Variants in RHOJ observed in about 807,000 individuals in gnomAD.
RHOJ encodes the protein rho-related GTP-binding protein RhoJ.
RHOJ carries 11 observed loss-of-function variants against 23.4 expected under a neutral mutation model. The ratio of observed to expected loss-of-function variants is 0.47; its 90% CI spans 0.30 to 0.78. RHOJ has a LOEUF of 0.78. Among genes scored for constraint, RHOJ ranks in the 30% least tolerant of loss-of-function variants. RHOJ has a pLI of 0.08. For missense variants in RHOJ, 254 were observed against 273.4 expected, an observed-to-expected ratio of 0.93 and a Z score of 0.50; for synonymous variants, 102 against 102.7, an observed-to-expected ratio of 0.99 and a Z score of 0.04.
intron 1 of RHOJ, among the ~76,000 whole-genome samples, chr14:63,251,157 G>C (rs1453209575): frequency 1.3e-5 from 2 of 152,162 alleles, no homozygotes; most frequent in Admixed American, 1.3e-4. Context: ...TATTTGTACA[G>C]TATCTGGCTC....
chr14:63,277,959 C>A (rs575066905), intron 2 of RHOJ, among the ~76,000 whole-genome samples: 3 of 113,388 alleles, frequency 2.6e-5, no homozygotes, highest in Admixed American at 1.6e-4. Context: ...GCCTCACCAG[C>A]TACACAAACA....
chr14:63,287,941 G>T (rs1005139476), intron 4 of RHOJ, among the ~76,000 whole-genome samples: 2 of 152,098 alleles, frequency 1.3e-5, no homozygotes, highest in African/African-American at 2.4e-5. Flanking sequence ...TCACATCTTT[G>T]AGGACACAGA....
rs111782073 is a variant in RHOJ at position 63,286,462 on chromosome 14, T to C, written c.498+3246T>C. Among the ~76,000 whole-genome samples the C allele has an allele frequency of 4.0e-3, 605 of 152,214 alleles. 6 individuals carry two copies. Among genetic ancestry groups the C allele is most frequent in the African/African-American group, 0.014 (579 of 41,518 alleles). ...TGGGCAAAGGGGTCTGGGGAGGGCA[T>C]AAAATTCTAGACAGGGAGACCAGGA... is the stretch of plus-strand genomic sequence containing the variant. On this transcript the variant is annotated intron_variant, in intron 4 of 4. Transcript: ENST00000316754.
intron 1 of RHOJ, among the ~76,000 whole-genome samples, chr14:63,255,506 C>T (rs1380598144): frequency 6.6e-6 from 1 of 152,168 alleles, no homozygotes; most frequent in Non-Finnish European, 1.5e-5. Context: ...TCAGGACCCA[C>T]CAGACCATCT....
intron 4 of RHOJ, chr14:63,284,305 C>G (rs1882008965): frequency 3.0e-6 from 3 of 984,988 alleles, no homozygotes; most frequent in Admixed American, 6.2e-5. Flanking sequence ...AACACCTGAT[C>G]GAGATACTGA....
chr14:63,227,992 T>C (rs1282377185), intron 1 of RHOJ, among the ~76,000 whole-genome samples: 1 of 152,172 alleles, frequency 6.6e-6, no homozygotes, highest in East Asian at 1.9e-4. Context: ...CGTTAAGTTA[T>C]TGGTAGCCTT....
intron 1 of RHOJ, among the ~76,000 whole-genome samples, chr14:63,250,307 C>T (rs550874772): frequency 3.4e-4 from 52 of 152,184 alleles, no homozygotes; most frequent in African/African-American, 1.2e-3. Context: ...TACAGTGGCC[C>T]GAACATGGCT....
At chr14:63,244,825 A>T (rs1183878654) in intron 1 of RHOJ, among the ~76,000 whole-genome samples, 1 of 152,250 alleles carries the variant, frequency 6.6e-6, no homozygotes, top group East Asian at 1.9e-4. Context: ...TTAATTTTCA[A>T]CAAATAAATA....
chr14:63,276,917 T>C (rs1881738108), intron 2 of RHOJ, among the ~76,000 whole-genome samples: 1 of 152,238 alleles, frequency 6.6e-6, no homozygotes, highest in Admixed American at 6.5e-5. Context: ...TTTTTGGCTT[T>C]GAAGTTTTAA....
At chr14:63,206,195 A>G (rs1325825932) in intron 1 of RHOJ, among the ~76,000 whole-genome samples, 3 of 152,224 alleles carry the variant, frequency 2.0e-5, no homozygotes, top group African/African-American at 7.2e-5. Flanking sequence ...TACATGATGT[A>G]TGAAAATGTT....
chr14:63,227,931 A>G (rs553320483), intron 1 of RHOJ, among the ~76,000 whole-genome samples: 1 of 152,322 alleles, frequency 6.6e-6, no homozygotes, highest in East Asian at 1.9e-4. Context: ...TCATAGATTT[A>G]TTAATTTGAA....
chr14:63,268,217 T>A (rs1468838654), intron 1 of RHOJ, among the ~76,000 whole-genome samples: 1 of 152,240 alleles, frequency 6.6e-6, no homozygotes, highest in East Asian at 1.9e-4. Flanking sequence ...CGATTCAATT[T>A]TTTTTTTGGA....
At chr14:63,215,126 C>T (rs1187586620) in intron 1 of RHOJ, among the ~76,000 whole-genome samples, 2 of 152,150 alleles carry the variant, frequency 1.3e-5, no homozygotes, top group East Asian at 1.9e-4. Flanking sequence ...CTTCTTCATG[C>T]TTTGACCTAA....
At chr14:63,270,888 G>C (rs1212550064) in intron 2 of RHOJ, among the ~76,000 whole-genome samples, 1 of 152,104 alleles carries the variant, frequency 6.6e-6, no homozygotes, top group Admixed American at 6.6e-5. Context: ...AACAAGTATT[G>C]CCTCCTGTGT....
Position 63,204,926 on chromosome 14 carries a change from G to A in RHOJ, c.57G>A (p.Lys19=). The A allele has an allele frequency of 6.2e-7, 1 of 1,614,204 alleles. No individual in the cohort carries two copies. Among genetic ancestry groups the A allele is most frequent in the African/African-American group, 1.3e-5 (1 of 75,062 alleles). ...GCGGCTGCAGGGGCAACGACGAGAA[G>A]AAGATGTTGAAGTGTGTGGTGGTGG... is the stretch of plus-strand genomic sequence containing the variant. The part of the protein sequence containing the change: ...SSCGCRGNDE[K]KMLKCVVVGD... Residue 19 remains lysine (K), a synonymous_variant, in exon 1 of 5, where the codon AAG becomes AAA. Transcript: ENST00000316754.
intron 1 of RHOJ, among the ~76,000 whole-genome samples, chr14:63,221,493 A>G (rs532844057): frequency 2.0e-5 from 3 of 152,338 alleles, no homozygotes; most frequent in Middle Eastern, 3.4e-3. Flanking sequence ...GAATGGTGAT[A>G]GCATTCTCTG....
intron 1 of RHOJ, among the ~76,000 whole-genome samples, chr14:63,207,174 G>A (rs1157901302): frequency 6.6e-6 from 1 of 152,004 alleles, no homozygotes; most frequent in African/African-American, 2.4e-5. Flanking sequence ...TGGGACTACA[G>A]GCGCACGCAA....
chr14:63,253,226 T>A (rs1895103691), intron 1 of RHOJ, among the ~76,000 whole-genome samples: 1 of 152,220 alleles, frequency 6.6e-6, no homozygotes, highest in South Asian at 2.1e-4. Flanking sequence ...TTCCTCCATC[T>A]GCTAAAAGTA....
chr14:63,252,609 A>G (rs1310361184), intron 1 of RHOJ, among the ~76,000 whole-genome samples: 1 of 152,188 alleles, frequency 6.6e-6, no homozygotes, highest in East Asian at 1.9e-4. Context: ...TGATGAAAGA[A>G]GATCTTGTTA....
Sources: gnomAD v4.1 joint callset for allele counts (sites outside exome capture counted in the v4.1 genomes callset) on GRCh38, gnomAD v4.1.1 for gene constraint, MANE v1.5 for transcripts, NCBI Gene and HGNC (gene_info 2026-07-23, HGNC 2026-07-21) for gene names.